Variants in SNAPC3 observed in about 807,000 individuals in gnomAD.
SNAPC3 encodes small nuclear RNA activating complex polypeptide 3.
Under a neutral mutation model 47.7 loss-of-function variants are expected in SNAPC3, and 56 were observed. The ratio of observed to expected loss-of-function variants is 1.18; its 90% CI spans 0.95 to 1.47. The LOEUF (loss-of-function observed/expected upper bound fraction) is 1.47. Ranked by LOEUF, SNAPC3 falls within the 40% of genes most tolerant of loss-of-function variation. The pLI is 0.00. For synonymous variants in SNAPC3, 235 were observed against 189.9 expected (o/e 1.24, Z -1.95); for missense variants, 665 against 511.3 (o/e 1.30, Z -2.90).
At chr9:15,465,814 ACT>A (rs1301152139), downstream of SNAPC3, 8 of 450,684 alleles carry the variant, frequency 1.8e-5, no homozygotes, top group Middle Eastern at 1.7e-3. Context: ...AAGCAAAATA[ACT>A]CAGCAAAGTG....
At position 15,435,844 on chromosome 9, in the gene SNAPC3, C is replaced by CTTTTTTTTTTT. The variant is rs57744583; in HGVS notation, c.477+2214_477+2224dup. ...GTTGTCTTTTTACTTACTTTTCTTT[C>CTTTTTTTTTTT]TTTTTTTTTTTTTTTTGAGACAGAG... On this transcript the variant is annotated intron_variant, in intron 3 of 8. Coordinates refer to ENST00000380821, the MANE Select transcript of SNAPC3 (RefSeq NM_001039697.2). Among the ~76,000 whole-genome samples, 6 of 123,820 alleles carry CTTTTTTTTTTT rather than the reference C, an allele frequency of 4.8e-5. 1 individual carries two copies. The highest frequency in any genetic ancestry group is 6.4e-5 in the Non-Finnish European group (4 of 62,256). 81.2% of individuals were successfully genotyped at this position (123,820 alleles called of 152,430 possible). A position where few individuals can be genotyped will look rare whatever the true frequency, so the allele number is the denominator to read the frequency against.
chr9:15,457,699 C>G (rs1022154184), intron 7 of SNAPC3, among the ~76,000 whole-genome samples: 12 of 152,118 alleles, frequency 7.9e-5, no homozygotes, highest in African/African-American at 2.7e-4. Context: ...AAGGGGGGAT[C>G]ACAGTGTACA....
intron 3 of SNAPC3, among the ~76,000 whole-genome samples, chr9:15,442,543 C>T (rs10181616): frequency 7.3e-5 from 11 of 150,294 alleles, no homozygotes; most frequent in Admixed American, 4.6e-4. Context: ...GGGTGGCGGC[C>T]GGGCAGAGGC....
At chr9:15,434,809 A>G (rs1413650397) in intron 3 of SNAPC3, among the ~76,000 whole-genome samples, 1 of 152,158 alleles carries the variant, frequency 6.6e-6, no homozygotes, top group Non-Finnish European at 1.5e-5. Context: ...TATTGTATGT[A>G]TACACCACGT....
intron 3 of SNAPC3, among the ~76,000 whole-genome samples, chr9:15,435,067 T>A (rs987870954): frequency 1.3e-5 from 2 of 152,214 alleles, no homozygotes; most frequent in Non-Finnish European, 2.9e-5. Flanking sequence ...CATGTACTTG[T>A]GAACATGTGT....
At chr9:15,451,425 CAA>C (rs2034378116) in intron 6 of SNAPC3, 23 bp downstream of exon 6, 1 of 1,145,064 alleles carries the variant, frequency 8.7e-7, no homozygotes, top group Non-Finnish European at 1.3e-6. Flanking sequence ...AAAATCTTCT[CAA>C]AGTCTTTCCT....
chr9:15,424,775 A>G (rs548859526), intron 2 of SNAPC3, among the ~76,000 whole-genome samples: 2 of 152,250 alleles, frequency 1.3e-5, no homozygotes, highest in African/African-American at 2.4e-5. Flanking sequence ...CACTTATTTC[A>G]TACTACCTCA....
At chr9:15,449,963 A>T (rs1414947940) in intron 5 of SNAPC3, among the ~76,000 whole-genome samples, 1 of 152,156 alleles carries the variant, frequency 6.6e-6, no homozygotes, top group African/African-American at 2.4e-5. Context: ...AAGTTGCTTA[A>T]ATCACCTAAG....
intron 5 of SNAPC3, among the ~76,000 whole-genome samples, chr9:15,449,469 C>T (rs542363329): frequency 1.1e-3 from 163 of 147,974 alleles, no homozygotes; most frequent in Non-Finnish European, 1.9e-3. Context: ...GATTAAATAA[C>T]CCATAATTGT....
At chr9:15,424,179 C>G (rs990240250) in intron 2 of SNAPC3, among the ~76,000 whole-genome samples, 193 bp downstream of exon 2, 1 of 152,070 alleles carries the variant, frequency 6.6e-6, no homozygotes, top group Non-Finnish European at 1.5e-5. Context: ...ATTTTGCTAT[C>G]CCCCATTCAG....
downstream of SNAPC3, chr9:15,464,501 T>C (rs1410821362): frequency 1.5e-5 from 3 of 201,110 alleles, no homozygotes; most frequent in South Asian, 1.9e-4. Context: ...TACAGACTTA[T>C]CAAAGTACAA....
Position 15,459,755 on chromosome 9 carries a change from C to A in SNAPC3, c.1125C>A (p.Asp375Glu), listed in dbSNP as rs2035062078. 6.2e-7 allele frequency: 1 copy of A among 1,613,412 alleles called. No individual in the cohort carries two copies. Among genetic ancestry groups the A allele is most frequent in the East Asian group, 2.2e-5 (1 of 44,854 alleles). The change falls in exon 9 of 9, where the codon GAC (aspartate) becomes GAA (glutamate). Residue 375 changes from aspartate to glutamate, a missense_variant. By Grantham distance (45) the Asp-to-Glu change is conservative (BLOSUM62 2). Transcript: ENST00000380821. The stretch of plus-strand genomic sequence containing the variant: ...ACAATGACAGTTTTGCACCAGAGGA[C>A]CCATGCTTCTTTTGTGATGTTTGCT... ...VTNNDSFAPEDPCFFCDVCFR... is the reference protein window; with the variant it reads ...VTNNDSFAPEEPCFFCDVCFR...
At chr9:15,457,530 G>A (rs572705204) in intron 7 of SNAPC3, among the ~76,000 whole-genome samples, 1 of 152,246 alleles carries the variant, frequency 6.6e-6, no homozygotes, top group East Asian at 1.9e-4. Flanking sequence ...AGGAGTTTGA[G>A]GCTACAGTAA....
downstream of SNAPC3, chr9:15,465,956 T>C (rs892929207): frequency 1.3e-4 from 22 of 171,260 alleles, no homozygotes; most frequent in African/African-American, 4.7e-4. Flanking sequence ...GATACACACA[T>C]AGACAACAAG....
chr9:15,428,111 C>CAAAAAAAAAAA (rs34074367), intron 2 of SNAPC3, among the ~76,000 whole-genome samples: 1 of 73,016 alleles, frequency 1.4e-5, no homozygotes, highest in Admixed American at 1.8e-4. Context: ...ACTCTGTCTC[C>CAAAAAAAAAAA]AAAAAAAAAA....
At position 15,447,201 on chromosome 9, in the gene SNAPC3, A is replaced by G; in HGVS notation, c.689A>G (p.Glu230Gly). The G allele has an allele frequency of 6.2e-7, 1 of 1,614,156 alleles. No individual in the cohort carries two copies. The highest frequency in any genetic ancestry group is 8.5e-7 in the Non-Finnish European group (1 of 1,179,980). The part of the protein sequence containing the change: ...RCVSDLQIGG[E>G]FSNTPDQAPE... The stretch of plus-strand genomic sequence containing the variant: ...GTCAGTGACCTCCAGATTGGTGGTG[A>G]ATTCAGCAACACTCCTGACCAAGCC... The change falls in exon 5 of 9, where the codon GAA (glutamate) becomes GGA (glycine). Residue 230 changes from glutamate (E) to glycine (G), a missense_variant. By Grantham distance (98) the Glu-to-Gly change is moderately conservative. Transcript: ENST00000380821.
chr9:15,447,180 G>T lies in SNAPC3; in HGVS notation c.668G>T (p.Ser223Ile), dbSNP rs2033999325. ...CTGAGGGATTCAATTCGATGTGTCA[G>T]TGACCTCCAGATTGGTGGTGAATTC... Reference protein sequence around the residue: ...TQLRDSIRCVSDLQIGGEFSN... With the variant: ...TQLRDSIRCVIDLQIGGEFSN... Residue 223 changes from serine (S) to isoleucine (I), a missense_variant, in exon 5 of 9, where the codon AGT (serine) becomes ATT (isoleucine). Coordinates refer to ENST00000380821, the MANE Select transcript of SNAPC3 (RefSeq NM_001039697.2). The T allele has an allele frequency of 1.2e-6, 2 of 1,613,510 alleles. No homozygotes were observed. Among genetic ancestry groups the T allele is most frequent in the East Asian group, 2.2e-5 (1 of 44,890 alleles).
rs142582736 is a variant in SNAPC3, at chr9:15,425,847, G to A, written c.392+1861G>A. Among the ~76,000 whole-genome samples, 387 of 152,222 alleles carry A rather than the reference G, an allele frequency of 2.5e-3. 1 individual carries two copies. The highest frequency in any genetic ancestry group is 4.3e-3 in the Non-Finnish European group (290 of 68,010). On this transcript the variant is annotated intron_variant, in intron 2 of 8. Coordinates refer to ENST00000380821, the MANE Select transcript of SNAPC3 (RefSeq NM_001039697.2). ...TGGCTCACAAAGGCCTCTAAGGAGT[G>A]GACCTTGCTGTTTTCATTTTGTTTT...
chr9:15,442,337 G>A (rs540477603), intron 3 of SNAPC3, among the ~76,000 whole-genome samples: 2 of 151,932 alleles, frequency 1.3e-5, no homozygotes, highest in South Asian at 4.2e-4. Flanking sequence ...GGCTGGACGG[G>A]GCGGCTGCCG....
Sources: allele counts gnomAD v4.1 joint callset (sites outside exome capture counted in the v4.1 genomes callset), GRCh38; gene constraint gnomAD v4.1.1; transcripts MANE v1.5; gene names NCBI Gene and HGNC (gene_info 2026-07-23, HGNC 2026-07-21).